CDH10: variants seen among roughly 807,000 people sequenced by gnomAD.
CDH10 encodes the protein cadherin 10.
CDH10 carries 30 observed loss-of-function variants against 73.1 expected under a neutral mutation model. The ratio of observed to expected loss-of-function variants is 0.41; its 90% CI spans 0.31 to 0.56. The LOEUF (loss-of-function observed/expected upper bound fraction) is 0.56. Among genes scored for constraint, CDH10 ranks in the 20% least tolerant of loss-of-function variants. The pLI is 0.27. For missense variants in CDH10, 815 were observed against 973.7 expected (o/e 0.84, Z 2.17); for synonymous variants, 345 against 348.2 (o/e 0.99, Z 0.10).
chr5:24,625,603 G>GTA (rs975360970), intron 1 of CDH10, among the ~76,000 whole-genome samples: 295 of 146,590 alleles, frequency 2.0e-3, no homozygotes, highest in African/African-American at 6.2e-3. Context: ...ATATATATGT[G>GTA]TATATATATA....
chr5:24,559,524 C>A (rs2111982321), intron 2 of CDH10, among the ~76,000 whole-genome samples: 2 of 152,072 alleles, frequency 1.3e-5, no homozygotes, highest in South Asian at 4.1e-4. Flanking sequence ...GTACTTTATG[C>A]TGAGATCTCT....
chr5:24,506,338 C>T (rs1039480484), intron 7 of CDH10, among the ~76,000 whole-genome samples: 1 of 152,148 alleles, frequency 6.6e-6, no homozygotes, highest in Admixed American at 6.5e-5. Context: ...ATCCCATTAT[C>T]TTTATCCAAC....
intron 2 of CDH10, among the ~76,000 whole-genome samples, chr5:24,586,283 G>A (rs866235483): frequency 6.6e-6 from 1 of 151,976 alleles, no homozygotes; most frequent in East Asian, 1.9e-4. Flanking sequence ...GCTAAAGGGG[G>A]AATCTGAAAT....
intron 2 of CDH10, among the ~76,000 whole-genome samples, chr5:24,545,429 A>G: frequency 6.6e-6 from 1 of 152,234 alleles, no homozygotes; most frequent in East Asian, 1.9e-4. Flanking sequence ...CTATACAAAT[A>G]TCTGAGAATC....
chr5:24,574,207 G>A (rs1469442665), intron 2 of CDH10, among the ~76,000 whole-genome samples: 2 of 152,054 alleles, frequency 1.3e-5, no homozygotes, highest in Non-Finnish European at 2.9e-5. Flanking sequence ...ATTAACTTGA[G>A]TAATTGCATG....
chr5:24,613,412 A>G (rs1747018209), intron 1 of CDH10, among the ~76,000 whole-genome samples: 1 of 140,686 alleles, frequency 7.1e-6, no homozygotes, highest in Admixed American at 7.6e-5. Context: ...CGTCGTCTTT[A>G]TTTTCTATGT....
intron 1 of CDH10, among the ~76,000 whole-genome samples, chr5:24,605,035 C>T (rs1050850386): frequency 4.6e-5 from 7 of 151,992 alleles, no homozygotes; most frequent in African/African-American, 1.7e-4. Context: ...CAATTGAAAA[C>T]AGGCAAAGAA....
intron 2 of CDH10, among the ~76,000 whole-genome samples, chr5:24,555,564 C>T (rs1744736265): frequency 6.6e-6 from 1 of 152,118 alleles, no homozygotes; most frequent in Admixed American, 6.6e-5. Flanking sequence ...TCACAACTCA[C>T]TGATCATATA....
intron 5 of CDH10, among the ~76,000 whole-genome samples, chr5:24,518,700 T>G (rs1023827072): frequency 2.6e-5 from 4 of 152,032 alleles, no homozygotes; most frequent in Non-Finnish European, 5.9e-5. Flanking sequence ...CATGTTTTTT[T>G]CCCTGTTCTC....
At chr5:24,519,872 G>C (rs963000337) in intron 5 of CDH10, among the ~76,000 whole-genome samples, 21 of 152,248 alleles carry the variant, frequency 1.4e-4, no homozygotes, top group African/African-American at 4.8e-4. Flanking sequence ...GAGGATACAA[G>C]TCTGATGAGG....
chr5:24,562,498 G>C (rs890844846), intron 2 of CDH10, among the ~76,000 whole-genome samples: 1 of 151,864 alleles, frequency 6.6e-6, no homozygotes, highest in Non-Finnish European at 1.5e-5. Flanking sequence ...ATATTTAGAG[G>C]GAGAGCATAA....
At chr5:24,573,505 T>A (rs530447081) in intron 2 of CDH10, among the ~76,000 whole-genome samples, 3 of 151,806 alleles carry the variant, frequency 2.0e-5, no homozygotes, top group South Asian at 4.2e-4. Context: ...ATTGAGACCA[T>A]CCTGGCTAAC....
intron 5 of CDH10, 47 bp downstream of exon 5, chr5:24,535,065 T>A: frequency 6.8e-7 from 1 of 1,473,022 alleles, no homozygotes; most frequent in South Asian, 1.3e-5. Context: ...TGTCTTTTTT[T>A]ACTCTAAATC....
chr5:24,594,518 C>T (rs1019830368), intron 1 of CDH10, among the ~76,000 whole-genome samples: 1 of 151,868 alleles, frequency 6.6e-6, no homozygotes, highest in African/African-American at 2.4e-5. Context: ...CACTCAATTT[C>T]ATCACTGCTG....
chr5:24,540,236 T>G (rs1744101961), intron 2 of CDH10, among the ~76,000 whole-genome samples: 1 of 151,854 alleles, frequency 6.6e-6, no homozygotes, highest in South Asian at 2.1e-4. Flanking sequence ...CCTGGGAAAT[T>G]TTTATATGTT....
intron 2 of CDH10, among the ~76,000 whole-genome samples, chr5:24,551,593 C>A (rs987721102): frequency 2.0e-5 from 3 of 152,082 alleles, no homozygotes; most frequent in African/African-American, 7.2e-5. Flanking sequence ...ATTTTTAAAG[C>A]TTTTCTTTTG....
intron 5 of CDH10, among the ~76,000 whole-genome samples, chr5:24,516,278 A>C (rs1425154092): frequency 1.3e-5 from 2 of 148,810 alleles, no homozygotes; most frequent in Non-Finnish European, 3.0e-5. Flanking sequence ...TGATGATTTT[A>C]AGTCAATTAG....
intron 1 of CDH10, among the ~76,000 whole-genome samples, chr5:24,636,240 GA>G (rs1284417681): frequency 4.6e-5 from 7 of 152,006 alleles, no homozygotes; most frequent in African/African-American, 1.7e-4. Context: ...TTTACAGATA[GA>G]AAAAACTACC....
chr5:24,638,566 T>A (rs1275596477), intron 1 of CDH10, among the ~76,000 whole-genome samples: 1 of 151,788 alleles, frequency 6.6e-6, no homozygotes, highest in Non-Finnish European at 1.5e-5. Flanking sequence ...AATAAAGATT[T>A]TCTGTAAGTT....
Sources: allele counts gnomAD v4.1 joint callset (sites outside exome capture counted in the v4.1 genomes callset), GRCh38; gene constraint gnomAD v4.1.1; transcripts MANE v1.5; gene names NCBI Gene and HGNC (gene_info 2026-07-23, HGNC 2026-07-21).